EPC2: variants seen among roughly 807,000 people sequenced by gnomAD.
The protein encoded by EPC2 is enhancer of polycomb homolog 2.
In EPC2, 14 loss-of-function variants were observed where a neutral mutation model predicts 92.1. The observed-to-expected ratio is 0.15, with a 90% CI of 0.10 to 0.24. The LOEUF is 0.24. Ranked by LOEUF, EPC2 falls within the 10% of genes least tolerant of loss-of-function variation. EPC2 has a pLI of 1.00. For missense variants in EPC2, 755 were observed against 971.5 expected (o/e 0.78, Z 2.96); for synonymous variants, 340 against 334.7 (o/e 1.02, Z -0.17).
intron 2 of EPC2, among the ~76,000 whole-genome samples, chr2:148,725,874 T>C (rs1682484390): frequency 6.6e-6 from 1 of 152,184 alleles, no homozygotes; most frequent in Non-Finnish European, 1.5e-5. Flanking sequence ...TACAGGTATA[T>C]AGTTTAACTA....
rs544178206 is a variant in EPC2, at chr2:148,732,795, GT to G, written c.314-10820del. The stretch of plus-strand genomic sequence containing the variant: ...TTGGACTCTGATAACAAAATGATAA[GT>G]TTTTTTATAAACCTGTATTTTTGTA... On this transcript the variant is annotated intron_variant, in intron 2 of 13. Transcript: ENST00000258484. 1.5e-4 allele frequency among the ~76,000 whole-genome samples: 23 copies of G among 152,050 alleles called. No individual in the cohort carries two copies. The South Asian group carries it at 3.3e-3, about 22-fold the overall frequency.
At chr2:148,683,478 G>A (rs902999560) in intron 1 of EPC2, among the ~76,000 whole-genome samples, 1 of 152,070 alleles carries the variant, frequency 6.6e-6, no homozygotes, top group Non-Finnish European at 1.5e-5. Context: ...ATGTTAGCCA[G>A]GATTGTCTCG....
At chr2:148,669,258 CCA>C (rs1681109831) in intron 1 of EPC2, among the ~76,000 whole-genome samples, 1 of 152,126 alleles carries the variant, frequency 6.6e-6, no homozygotes, top group Admixed American at 6.5e-5. Context: ...TCTTTTTCTG[CCA>C]CCTTTTGGAT....
intron 1 of EPC2, among the ~76,000 whole-genome samples, chr2:148,660,706 T>C (rs544939976): frequency 6.6e-6 from 1 of 152,062 alleles, no homozygotes; most frequent in African/African-American, 2.4e-5. Flanking sequence ...ATACACTGCG[T>C]TGTAGATCAG....
chr2:148,656,020 T>TGG, intron 1 of EPC2, among the ~76,000 whole-genome samples: 1 of 78,316 alleles, frequency 1.3e-5, no homozygotes, highest in African/African-American at 6.2e-5. Flanking sequence ...TGTGTGTGTG[T>TGG]GTGTGGGGGG....
chr2:148,751,907 A>G (rs1476440548), intron 3 of EPC2, among the ~76,000 whole-genome samples: 2 of 152,208 alleles, frequency 1.3e-5, no homozygotes, highest in Non-Finnish European at 2.9e-5. Flanking sequence ...GAACTGAAAA[A>G]TTAGTTAACA....
At chr2:148,670,379 A>G (rs1268773835) in intron 1 of EPC2, among the ~76,000 whole-genome samples, 2 of 151,852 alleles carry the variant, frequency 1.3e-5, no homozygotes, top group Non-Finnish European at 1.5e-5. Flanking sequence ...GACAATTCAT[A>G]TAATGTAAAA....
At chr2:148,720,036 C>A (rs1682337444) in intron 2 of EPC2, among the ~76,000 whole-genome samples, 1 of 152,154 alleles carries the variant, frequency 6.6e-6, no homozygotes, top group Admixed American at 6.5e-5. Context: ...ACAGCTGTGT[C>A]ATGGTAGGGA....
rs777764350 is a variant in EPC2 at position 148,645,031 on chromosome 2, C to G, written c.14C>G (p.Ser5Cys). ...GGCGGGGAGACAATGAGTAAACTCTCCTTCCGAGCGCGGGCGCTGGACGCC... is the reference window on the plus strand; with the variant it reads ...GGCGGGGAGACAATGAGTAAACTCTGCTTCCGAGCGCGGGCGCTGGACGCC... MSKLSFRARALDAAK... is the reference protein window; with the variant it reads MSKLCFRARALDAAK... Residue 5 changes from serine (S) to cysteine (C), a missense_variant, in exon 1 of 14, where the codon TCC (serine) becomes TGC (cysteine). Around this residue, in one of 4 missense-constraint regions of EPC2, gnomAD observed 36 missense variants for 84.0 expected, o/e 0.43. Coordinates refer to ENST00000258484, the MANE Select transcript of EPC2 (RefSeq NM_015630.4). 6 of 1,550,678 alleles carry G rather than the reference C, an allele frequency of 3.9e-6. No homozygotes were observed. The highest frequency in any genetic ancestry group is 5.2e-6 in the Non-Finnish European group (6 of 1,145,892).
intron 2 of EPC2, among the ~76,000 whole-genome samples, chr2:148,717,800 T>C (rs1195515906): frequency 6.6e-6 from 1 of 152,122 alleles, no homozygotes; most frequent in Non-Finnish European, 1.5e-5. Context: ...CTGAATATCT[T>C]TTAATTGTCT....
In EPC2 at chr2:148,693,926, C is replaced by A. The variant is rs527410399; in HGVS notation, c.313+3553C>A. ...CGTACTTTCGTTGTGGCACTGACCA[C>A]CTTCAGTTGTGATTGTTTGCCCTCT... On this transcript the variant is annotated intron_variant, in intron 2 of 13. Transcript: ENST00000258484. Among the ~76,000 whole-genome samples, 3 of 152,290 alleles carry A rather than the reference C, an allele frequency of 2.0e-5. No homozygotes were observed. The South Asian group carries it at 6.2e-4, about 32-fold the overall frequency.
chr2:148,751,733 AT>A (rs1300886476), intron 3 of EPC2, among the ~76,000 whole-genome samples: 3 of 152,134 alleles, frequency 2.0e-5, no homozygotes, highest in African/African-American at 7.2e-5. Context: ...TGTGTGACTG[AT>A]TTATCTACAA....
At position 148,786,462 on chromosome 2, in the gene EPC2, C is replaced by G; in HGVS notation, c.*85C>G. On this transcript the variant is annotated 3_prime_UTR_variant, in exon 14 of 14. Transcript: ENST00000258484. Reference sequence around the variant, plus strand: ...ATGCAAAAGGCAACACTCTGTGGATCACAGAGTGTAACAATGGACCTAAAT... The same window carrying G: ...ATGCAAAAGGCAACACTCTGTGGATGACAGAGTGTAACAATGGACCTAAAT... 4 of 1,070,850 alleles carry G rather than the reference C, an allele frequency of 3.7e-6. No homozygotes were observed. The highest frequency in any genetic ancestry group is 5.6e-6 in the Non-Finnish European group (4 of 710,300). The allele number at this position is 1,070,850 out of a possible 1,614,324, so 66.3% of individuals were successfully genotyped here.
intron 2 of EPC2, among the ~76,000 whole-genome samples, chr2:148,700,601 T>G (rs753972801): frequency 6.6e-5 from 10 of 152,056 alleles, no homozygotes; most frequent in Admixed American, 4.6e-4. Flanking sequence ...TCTACTTGTT[T>G]ACTCTTTTGT....
intron 2 of EPC2, among the ~76,000 whole-genome samples, chr2:148,709,867 A>G (rs1057020134): frequency 6.6e-6 from 1 of 152,212 alleles, no homozygotes; most frequent in Non-Finnish European, 1.5e-5. Flanking sequence ...TAAAGACTTA[A>G]ATGTTAGACC....
chr2:148,645,400 T>C (rs1013979936), intron 1 of EPC2: 1 of 460,510 alleles, frequency 2.2e-6, no homozygotes, highest in African/African-American at 2.1e-5. Context: ...GCAGCGCTGC[T>C]TACGCTGCCG....
At chr2:148,757,157 A>G (rs1201612347) in intron 4 of EPC2, among the ~76,000 whole-genome samples, 2 of 152,186 alleles carry the variant, frequency 1.3e-5, no homozygotes, top group East Asian at 1.9e-4. Flanking sequence ...CGGGCGAATC[A>G]CAAGGTCAGG....
intron 1 of EPC2, among the ~76,000 whole-genome samples, chr2:148,663,842 T>C (rs1344327785): frequency 6.6e-6 from 1 of 152,148 alleles, no homozygotes; most frequent in Non-Finnish European, 1.5e-5. Context: ...ATCCCTTGCA[T>C]GTGCAGTTCA....
At chr2:148,764,207 G>A (rs1402075488) in intron 6 of EPC2, among the ~76,000 whole-genome samples, 3 of 152,188 alleles carry the variant, frequency 2.0e-5, no homozygotes, top group Non-Finnish European at 4.4e-5. Flanking sequence ...GACTAGATGT[G>A]GAAATGTATA....
Sources: allele counts gnomAD v4.1 joint callset (sites outside exome capture counted in the v4.1 genomes callset), GRCh38; gene constraint gnomAD v4.1.1; regional missense constraint gnomAD v4.1.1; transcripts MANE v1.5; gene names NCBI Gene and HGNC (gene_info 2026-07-23, HGNC 2026-07-21).